SEL1L2: variants seen among roughly 807,000 people sequenced by gnomAD.
SEL1L2 encodes the protein SEL1L2 adaptor subunit of SYVN1 ubiquitin ligase, also known as protein sel-1 homolog 2.
In SEL1L2, 89 loss-of-function variants were observed where a neutral mutation model predicts 98.8. The ratio of observed to expected loss-of-function variants is 0.90; its 90% CI spans 0.76 to 1.07. The LOEUF (loss-of-function observed/expected upper bound fraction) is 1.07. SEL1L2 is among the 50% of genes least tolerant of loss of function. The pLI, the probability that SEL1L2 is intolerant of heterozygous loss-of-function variation, is 0.00. For missense variants in SEL1L2, 788 were observed against 812.0 expected (o/e 0.97, Z 0.36); for synonymous variants, 262 against 278.5 (o/e 0.94, Z 0.59).
At chr20:13,866,627 C>G in intron 15 of SEL1L2, 75 bp downstream of exon 15, 1 of 1,198,970 alleles carries the variant, frequency 8.3e-7, no homozygotes, top group Non-Finnish European at 1.1e-6. Context: ...AAGACACCAA[C>G]AATTTAAGAA....
At chr20:13,963,104 A>T (rs28522134) in intron 1 of SEL1L2, among the ~76,000 whole-genome samples, 16 of 11,532 alleles carry the variant, frequency 1.4e-3, no homozygotes, top group East Asian at 4.6e-3. Flanking sequence ...AGAAAATATA[A>T]AAAAAAACTC....
chr20:13,982,314 C>A (rs1009768333), intron 1 of SEL1L2, among the ~76,000 whole-genome samples: 15 of 151,630 alleles, frequency 9.9e-5, no homozygotes, highest in African/African-American at 3.4e-4. Context: ...AGTTCAAGAC[C>A]AGACTGAGCA....
At chr20:13,872,877 C>T (rs929139562) in intron 12 of SEL1L2, among the ~76,000 whole-genome samples, 4 of 152,142 alleles carry the variant, frequency 2.6e-5, no homozygotes, top group African/African-American at 9.7e-5. Flanking sequence ...GATGGAGACA[C>T]GTGGAGTCCC....
At position 13,947,247 on chromosome 20, in the gene SEL1L2, A is replaced by C. The variant is rs531948686; in HGVS notation, c.114+8829T>G. ...CTTCCCCTCTTCTGAGCCCATAAAA[A>C]CCCCCGGACTCAGCTAGACTCCGGC... On this transcript the variant is annotated intron_variant, in intron 2 of 19. Transcript: ENST00000284951. 1.5e-4 allele frequency among the ~76,000 whole-genome samples: 22 copies of C among 150,108 alleles called. No homozygotes were observed. In the South Asian group the frequency reaches 1.5e-3, roughly 10 times the overall value.
chr20:13,939,040 G>GTTTTTTTTTTTTTTTTTTTTTT lies in SEL1L2; in HGVS notation c.115-7270_115-7269insAAAAAAAAAAAAAAAAAAAAAA, dbSNP rs386365633. ...TCTTTTTGGTTTGTTTGCTTGTTTT[G>GTTTTTTTTTTTTTTTTTTTTTT]TTTTTTTTTTTTTTTTTTTCTGAGA... On this transcript the variant is annotated intron_variant, in intron 2 of 19. Transcript: ENST00000284951. 7.0e-5 allele frequency among the ~76,000 whole-genome samples: 8 copies of GTTTTTTTTTTTTTTTTTTTTTT among 114,068 alleles called. 1 individual carries two copies. The highest frequency in any genetic ancestry group is 2.8e-4 in the African/African-American group (8 of 28,842). The allele number at this position is 114,068 out of a possible 152,430, so 74.8% of individuals were successfully genotyped here.
intron 2 of SEL1L2, among the ~76,000 whole-genome samples, chr20:13,933,036 C>T (rs944638275): frequency 2.6e-5 from 4 of 151,758 alleles, no homozygotes; most frequent in African/African-American, 9.7e-5. Context: ...GGTGAAACCC[C>T]GTCTCTACTA....
chr20:13,852,837 C>T (rs910401734), intron 18 of SEL1L2, among the ~76,000 whole-genome samples: 1 of 152,140 alleles, frequency 6.6e-6, no homozygotes, highest in Non-Finnish European at 1.5e-5. Context: ...AGTTTTCCAG[C>T]CCCAAATCTT....
intron 17 of SEL1L2, among the ~76,000 whole-genome samples, chr20:13,861,804 C>T (rs761122402): frequency 3.9e-5 from 6 of 152,156 alleles, no homozygotes; most frequent in East Asian, 1.9e-4. Flanking sequence ...TCCCTGCATT[C>T]GATTCCTCAA....
chr20:13,863,401 T>G (rs1990481509), intron 17 of SEL1L2, among the ~76,000 whole-genome samples: 1 of 152,190 alleles, frequency 6.6e-6, no homozygotes, highest in South Asian at 2.1e-4. Context: ...GACAGGCTCC[T>G]GTGGGGATCA....
intron 15 of SEL1L2, 57 bp downstream of exon 15, chr20:13,866,645 A>T: frequency 2.2e-6 from 3 of 1,344,478 alleles, no homozygotes; most frequent in Non-Finnish European, 2.9e-6. Flanking sequence ...GAACAGTATC[A>T]CCTCCTCTGT....
chr20:13,933,341 CAT>C (rs1337244966), intron 2 of SEL1L2, among the ~76,000 whole-genome samples: 1 of 152,030 alleles, frequency 6.6e-6, no homozygotes. Flanking sequence ...CATGTGCAAC[CAT>C]TACCACAGTC....
chr20:13,937,970 C>G (rs184769327), intron 2 of SEL1L2, among the ~76,000 whole-genome samples: 46 of 152,222 alleles, frequency 3.0e-4, no homozygotes, highest in African/African-American at 1.1e-3. Context: ...TTCCTAGAGA[C>G]ACTTCCAAAG....
chr20:13,944,421 G>A (rs113228092), intron 2 of SEL1L2, among the ~76,000 whole-genome samples: 64 of 152,226 alleles, frequency 4.2e-4, no homozygotes, highest in African/African-American at 1.2e-3. Context: ...ATTGGATTCC[G>A]GATATTTGAA....
chr20:13,948,867 C>A (rs548206732), intron 2 of SEL1L2, among the ~76,000 whole-genome samples: 2 of 152,206 alleles, frequency 1.3e-5, no homozygotes, highest in African/African-American at 2.4e-5. Context: ...CAACTGAAAC[C>A]GAGGGTTTAT....
intron 5 of SEL1L2, among the ~76,000 whole-genome samples, chr20:13,892,849 G>A (rs1386341598): frequency 2.0e-5 from 3 of 152,210 alleles, no homozygotes; most frequent in Non-Finnish European, 4.4e-5. Flanking sequence ...GATATTCCAT[G>A]TGTCAAATTA....
At position 13,903,831 on chromosome 20, in the gene SEL1L2, T is replaced by C. The variant is rs1046536600; in HGVS notation, c.549+9951A>G. 9.9e-5 allele frequency among the ~76,000 whole-genome samples: 15 copies of C among 152,060 alleles called. 1 individual carries two copies. The highest frequency in any genetic ancestry group is 3.4e-4 in the African/African-American group (14 of 41,410). On this transcript the variant is annotated intron_variant, in intron 5 of 19. Coordinates refer to ENST00000284951, the MANE Select transcript of SEL1L2 (RefSeq NM_025229.2). ...CTCCATCTTAAGAAAAAAAAAGTATTTGAAGCCCATAGGGTCACGAGGAGA... is the reference window on the plus strand; with the variant it reads ...CTCCATCTTAAGAAAAAAAAAGTATCTGAAGCCCATAGGGTCACGAGGAGA...
intron 17 of SEL1L2, among the ~76,000 whole-genome samples, chr20:13,861,911 C>T (rs965342197): frequency 3.3e-5 from 5 of 152,166 alleles, no homozygotes; most frequent in African/African-American, 7.2e-5. Context: ...TCCTAGAGGC[C>T]GTCTCCGACT....
chr20:13,965,134 A>ATACTG (rs10667487), intron 1 of SEL1L2, among the ~76,000 whole-genome samples: 146,539 of 151,958 alleles, frequency 0.96, 70,778 homozygotes, highest in East Asian at 1. Flanking sequence ...GTAGGAAGGG[A>ATACTG]TACTGATTCC....
At chr20:13,873,795 C>A (rs1266382880) in intron 12 of SEL1L2, among the ~76,000 whole-genome samples, 4 of 152,172 alleles carry the variant, frequency 2.6e-5, no homozygotes, top group Non-Finnish European at 5.9e-5. Context: ...AGCAGACAGG[C>A]ATTTCTTTGG....
Sources: allele counts gnomAD v4.1 joint callset (sites outside exome capture counted in the v4.1 genomes callset), GRCh38; gene constraint gnomAD v4.1.1; transcripts MANE v1.5; gene names NCBI Gene and HGNC (gene_info 2026-07-23, HGNC 2026-07-21).